SYNPR: variants seen among roughly 807,000 people sequenced by gnomAD.
SYNPR encodes synaptoporin.
SYNPR carries 23 observed loss-of-function variants against 32.9 expected under a neutral mutation model. That is an observed-to-expected ratio of 0.70 (90% CI 0.50 to 0.99). The LOEUF (loss-of-function observed/expected upper bound fraction) is 0.99. SYNPR is among the 50% of genes least tolerant of loss of function. SYNPR has a pLI of 0.00. For synonymous variants in SYNPR, 146 were observed against 135.9 expected (o/e 1.07, Z -0.52); for missense variants, 318 against 349.3 (o/e 0.91, Z 0.71).
chr3:63,478,720 A>G (rs748527729), intron 2 of SYNPR, among the ~76,000 whole-genome samples: 1 of 152,182 alleles, frequency 6.6e-6, no homozygotes, highest in Admixed American at 6.5e-5. Flanking sequence ...TCAGCGATTC[A>G]GAGAGACATA....
intron 4 of SYNPR, among the ~76,000 whole-genome samples, chr3:63,577,321 C>T (rs940988743): frequency 6.6e-6 from 1 of 152,152 alleles, no homozygotes; most frequent in Non-Finnish European, 1.5e-5. Context: ...GCGCTAGGCC[C>T]TGAGGCCCAG....
chr3:63,559,066 C>T (rs1358729641), intron 4 of SYNPR, among the ~76,000 whole-genome samples: 5 of 132,364 alleles, frequency 3.8e-5, no homozygotes, highest in African/African-American at 1.2e-4. Context: ...AATATCAATA[C>T]TTTCTTTTTT....
chr3:63,236,572 A>T (rs940424960), intron 1 of SYNPR, among the ~76,000 whole-genome samples: 1 of 152,114 alleles, frequency 6.6e-6, no homozygotes, highest in African/African-American at 2.4e-5. Flanking sequence ...TGTAATATTC[A>T]GTATACACAT....
intron 2 of SYNPR, among the ~76,000 whole-genome samples, chr3:63,324,037 G>A (rs2087138554): frequency 6.6e-6 from 1 of 152,094 alleles, no homozygotes; most frequent in African/African-American, 2.4e-5. Context: ...GCTTCAATAA[G>A]CATGGCAGCT....
At chr3:63,408,557 G>C (rs1237217083) in intron 2 of SYNPR, among the ~76,000 whole-genome samples, 1 of 152,070 alleles carries the variant, frequency 6.6e-6, no homozygotes, top group Non-Finnish European at 1.5e-5. Context: ...CAAGGCAGAA[G>C]GCCTGAGAAA....
chr3:63,409,704 T>C (rs6445344), intron 2 of SYNPR, among the ~76,000 whole-genome samples: 116,179 of 152,144 alleles, frequency 0.76, 45,700 homozygotes, highest in East Asian at 1. Flanking sequence ...GAGGTAGATG[T>C]TATTATTGTC....
intron 2 of SYNPR, among the ~76,000 whole-genome samples, chr3:63,349,344 C>T (rs1337464751): frequency 6.6e-6 from 1 of 152,178 alleles, no homozygotes; most frequent in Admixed American, 6.5e-5. Flanking sequence ...TTGTGATCCG[C>T]CCACCTCGGC....
At chr3:63,569,570 C>T (rs1209019433) in intron 4 of SYNPR, among the ~76,000 whole-genome samples, 4 of 152,228 alleles carry the variant, frequency 2.6e-5, no homozygotes, top group African/African-American at 4.8e-5. Flanking sequence ...GGAAACATCA[C>T]AAATTAAATT....
At chr3:63,604,934 C>A (rs1415263419) in intron 4 of SYNPR, among the ~76,000 whole-genome samples, 2 of 152,124 alleles carry the variant, frequency 1.3e-5, no homozygotes, top group Non-Finnish European at 2.9e-5. Flanking sequence ...TCTACCATTG[C>A]CACTTGATAT....
intron 2 of SYNPR, among the ~76,000 whole-genome samples, chr3:63,325,787 T>C (rs2087159417): frequency 6.6e-6 from 1 of 152,032 alleles, no homozygotes; most frequent in Non-Finnish European, 1.5e-5. Flanking sequence ...GACACAGAGC[T>C]CCTTGTCCCC....
At chr3:63,397,055 G>C (rs1423399912) in intron 2 of SYNPR, among the ~76,000 whole-genome samples, 2 of 139,170 alleles carry the variant, frequency 1.4e-5, no homozygotes, top group Non-Finnish European at 3.0e-5. Flanking sequence ...AGTGAGCCAA[G>C]ATAGCGCCAC....
intron 2 of SYNPR, among the ~76,000 whole-genome samples, chr3:63,328,012 G>A (rs1005389839): frequency 6.6e-6 from 1 of 152,058 alleles, no homozygotes; most frequent in Non-Finnish European, 1.5e-5. Flanking sequence ...CAAATTAATT[G>A]GGCATAAATT....
chr3:63,278,946 G>A (rs183107422), intron 2 of SYNPR, among the ~76,000 whole-genome samples: 1 of 152,338 alleles, frequency 6.6e-6, no homozygotes, highest in Non-Finnish European at 1.5e-5. Flanking sequence ...AGGCGGGAGT[G>A]TGGACGCATT....
intron 3 of SYNPR, among the ~76,000 whole-genome samples, chr3:63,483,301 A>G (rs947906766): frequency 2.6e-5 from 4 of 152,204 alleles, no homozygotes; most frequent in Non-Finnish European, 4.4e-5. Context: ...TTAAAAGTGA[A>G]TGTACAGATA....
At chr3:63,299,787 A>T (rs2106940019) in intron 2 of SYNPR, among the ~76,000 whole-genome samples, 1 of 152,304 alleles carries the variant, frequency 6.6e-6, no homozygotes, top group Non-Finnish European at 1.5e-5. Context: ...GGTCCTAGGC[A>T]GTTTGTAATC....
upstream of SYNPR, among the ~76,000 whole-genome samples, chr3:63,224,179 C>A (rs572181457): frequency 4.6e-5 from 7 of 152,252 alleles, no homozygotes; most frequent in Non-Finnish European, 8.8e-5. Context: ...GCAGGCAAGC[C>A]AGCATTATCG....
At chr3:63,384,450 GTCTT>G (rs2088015223) in intron 2 of SYNPR, among the ~76,000 whole-genome samples, 1 of 152,088 alleles carries the variant, frequency 6.6e-6, no homozygotes, top group Non-Finnish European at 1.5e-5. Flanking sequence ...TTATGATAAT[GTCTT>G]TCTTTGACTA....
At chr3:63,292,645 AGT>A in intron 2 of SYNPR, among the ~76,000 whole-genome samples, 1 of 152,234 alleles carries the variant, frequency 6.6e-6, no homozygotes, top group Non-Finnish European at 1.5e-5. Context: ...CGCAAAGATT[AGT>A]GGCACATAGG....
chr3:63,398,814 C>T (rs1471685608), intron 2 of SYNPR, among the ~76,000 whole-genome samples: 3 of 151,962 alleles, frequency 2.0e-5, no homozygotes, highest in Non-Finnish European at 4.4e-5. Context: ...AACCACAGTC[C>T]CTGAGGAATA....
Sources: gnomAD v4.1 joint callset for allele counts (sites outside exome capture counted in the v4.1 genomes callset) on GRCh38, gnomAD v4.1.1 for gene constraint, MANE v1.5 for transcripts, NCBI Gene and HGNC (gene_info 2026-07-23, HGNC 2026-07-21) for gene names.